Variants in GABRG3 observed in about 807,000 individuals in gnomAD.
GABRG3 encodes the protein gamma-aminobutyric acid type A receptor subunit gamma3.
Under a neutral mutation model 48.8 loss-of-function variants are expected in GABRG3, and 25 were observed. The ratio of observed to expected loss-of-function variants is 0.51; its 90% CI spans 0.37 to 0.72. The LOEUF is 0.72. GABRG3 is among the 30% of genes least tolerant of loss of function. GABRG3 has a pLI of 0.00. For missense variants in GABRG3, 394 were observed against 577.9 expected, an observed-to-expected ratio of 0.68 and a Z score of 3.26; for synonymous variants, 227 against 217.6, an observed-to-expected ratio of 1.04 and a Z score of -0.38.
At chr15:27,343,889 T>A (rs570725211) in intron 5 of GABRG3, among the ~76,000 whole-genome samples, 14 of 152,272 alleles carry the variant, frequency 9.2e-5, no homozygotes, top group Non-Finnish European at 1.9e-4. Flanking sequence ...GGGTAATGTT[T>A]AAATGTGCCA....
chr15:27,378,503 G>A (rs1324336562), intron 5 of GABRG3, among the ~76,000 whole-genome samples: 1 of 152,094 alleles, frequency 6.6e-6, no homozygotes, highest in African/African-American at 2.4e-5. Context: ...AGAATAAATC[G>A]GATTTGAGTA....
chr15:27,248,791 CACA>C (rs1890345679), intron 3 of GABRG3, among the ~76,000 whole-genome samples: 1 of 117,086 alleles, frequency 8.5e-6, no homozygotes, highest in African/African-American at 3.6e-5. Context: ...CACACACACA[CACA>C]CACACACACA....
intron 3 of GABRG3, among the ~76,000 whole-genome samples, chr15:27,241,034 C>T (rs753238417): frequency 1.3e-5 from 2 of 152,246 alleles, no homozygotes; most frequent in Non-Finnish European, 2.9e-5. Flanking sequence ...CTGCCACCCT[C>T]AACAACCTCT....
chr15:27,323,392 A>G (rs1893497314), intron 3 of GABRG3, among the ~76,000 whole-genome samples: 1 of 152,102 alleles, frequency 6.6e-6, no homozygotes, highest in African/African-American at 2.4e-5. Context: ...CGGGCCCTGG[A>G]TGTGCTTGGG....
intron 7 of GABRG3, among the ~76,000 whole-genome samples, chr15:27,525,339 C>G (rs557963258): frequency 2.0e-5 from 3 of 152,168 alleles, no homozygotes; most frequent in Non-Finnish European, 4.4e-5. Flanking sequence ...AGAATCATCC[C>G]CAAAGCATCC....
chr15:27,022,148 C>G (rs1895906819), intron 2 of GABRG3, among the ~76,000 whole-genome samples: 2 of 152,184 alleles, frequency 1.3e-5, no homozygotes, highest in Non-Finnish European at 2.9e-5. Flanking sequence ...TTTTCTTCCC[C>G]CTCTCCTCAA....
intron 5 of GABRG3, among the ~76,000 whole-genome samples, chr15:27,443,356 T>G (rs1319874014): frequency 6.6e-6 from 1 of 152,224 alleles, no homozygotes; most frequent in Non-Finnish European, 1.5e-5. Flanking sequence ...CTTTATTTAG[T>G]TAGGTCTTCT....
chr15:26,986,423 G>C (rs143529396), intron 2 of GABRG3, among the ~76,000 whole-genome samples: 24 of 152,164 alleles, frequency 1.6e-4, no homozygotes, highest in African/African-American at 5.5e-4. Context: ...TCCAAAGGCC[G>C]CCGAGTTCAG....
intron 6 of GABRG3, among the ~76,000 whole-genome samples, chr15:27,510,542 C>T (rs898101152): frequency 7.2e-5 from 11 of 152,188 alleles, no homozygotes; most frequent in East Asian, 1.9e-4. Flanking sequence ...CTCTCCCAGG[C>T]GGCCCCATGG....
chr15:27,448,782 T>C (rs915272754), intron 5 of GABRG3, among the ~76,000 whole-genome samples: 2 of 152,162 alleles, frequency 1.3e-5, no homozygotes, highest in Non-Finnish European at 2.9e-5. Flanking sequence ...GCCATGCCTG[T>C]ACATGTGTGC....
At chr15:27,130,678 A>T (rs1208683702) in intron 3 of GABRG3, among the ~76,000 whole-genome samples, 2 of 152,098 alleles carry the variant, frequency 1.3e-5, no homozygotes, top group African/African-American at 2.4e-5. Context: ...GTAAACACAG[A>T]ATCTTTCCAT....
intron 2 of GABRG3, among the ~76,000 whole-genome samples, chr15:27,008,743 T>A (rs894002044): frequency 2.0e-5 from 3 of 151,842 alleles, no homozygotes; most frequent in Non-Finnish European, 4.4e-5. Flanking sequence ...AGAATATTAA[T>A]CCGGTAAATG....
chr15:27,040,563 A>G (rs2140698320), intron 3 of GABRG3, among the ~76,000 whole-genome samples: 1 of 152,302 alleles, frequency 6.6e-6, no homozygotes. Context: ...TTTCCTACCA[A>G]CAATTAATTT....
chr15:27,488,387 G>A (rs72707662), intron 6 of GABRG3, among the ~76,000 whole-genome samples: 9,744 of 152,228 alleles, frequency 0.064, 387 homozygotes, highest in Non-Finnish European at 0.089. Context: ...ATGTGATGCT[G>A]GAGCCATCCT....
chr15:27,301,433 T>C (rs576894496), intron 3 of GABRG3, among the ~76,000 whole-genome samples: 2 of 152,316 alleles, frequency 1.3e-5, no homozygotes, highest in Admixed American at 6.5e-5. Context: ...TGAAACACTT[T>C]GGTTATTTCT....
At position 26,977,080 on chromosome 15, in the gene GABRG3, C is replaced by T; in HGVS notation, c.132C>T (p.Asp44=). 6.2e-7 allele frequency: 1 copy of T among 1,613,928 alleles called. No individual in the cohort carries two copies. Among genetic ancestry groups the T allele is most frequent in the African/African-American group, 1.3e-5 (1 of 75,032 alleles). ...GGGTCTTGGCTCCAAAATCCCAAGA[C>T]ACCGACGTGACTCTTATTCTCAACA... ...QKWVLAPKSQ[D]TDVTLILNKL... Residue 44 remains aspartate (D), a synonymous_variant, in exon 2 of 10, where the codon GAC becomes GAT. Coordinates refer to ENST00000615808, the MANE Select transcript of GABRG3 (RefSeq NM_033223.5).
chr15:27,433,765 G>A (rs903952175), intron 5 of GABRG3, among the ~76,000 whole-genome samples: 4 of 152,160 alleles, frequency 2.6e-5, no homozygotes, highest in Non-Finnish European at 5.9e-5. Flanking sequence ...AAGGTATGTG[G>A]AAATCCTCAC....
intron 3 of GABRG3, among the ~76,000 whole-genome samples, chr15:27,315,521 C>T (rs562223588): frequency 2.9e-4 from 44 of 152,236 alleles, no homozygotes; most frequent in Middle Eastern, 3.4e-3. Context: ...TTTAGGAAAA[C>T]GTATTATATA....
chr15:27,430,062 G>A (rs1888404791), intron 5 of GABRG3, among the ~76,000 whole-genome samples: 2 of 152,106 alleles, frequency 1.3e-5, no homozygotes, highest in Admixed American at 1.3e-4. Context: ...CACCACTTTG[G>A]TATTGCCTGT....
Sources: gnomAD v4.1 joint callset for allele counts (sites outside exome capture counted in the v4.1 genomes callset) on GRCh38, gnomAD v4.1.1 for gene constraint, MANE v1.5 for transcripts, NCBI Gene and HGNC (gene_info 2026-07-23, HGNC 2026-07-21) for gene names.